SERPINI2: variants seen among roughly 807,000 people sequenced by gnomAD.
The protein encoded by SERPINI2 is serpin family I member 2, also known as serpin I2.
SERPINI2 carries 48 observed loss-of-function variants against 47.3 expected under a neutral mutation model. The observed-to-expected ratio is 1.02, with a 90% CI of 0.81 to 1.29. The LOEUF is 1.29. Ranked by LOEUF, SERPINI2 falls within the 50% of genes most tolerant of loss-of-function variation. The pLI, the probability that SERPINI2 is intolerant of heterozygous loss-of-function variation, is 0.00. For missense variants in SERPINI2, 448 were observed against 456.9 expected (o/e 0.98, Z 0.18); for synonymous variants, 135 against 149.3 (o/e 0.90, Z 0.70).
chr3:167,451,667 T>C (rs746145280), intron 6 of SERPINI2, among the ~76,000 whole-genome samples: 1 of 152,240 alleles, frequency 6.6e-6, no homozygotes, highest in Non-Finnish European at 1.5e-5. Context: ...ATTTTGGAAG[T>C]ATTTTCTTTA....
exon 2 of SERPINI2, chr3:167,471,799 C>T (rs1750333596): frequency 6.2e-7 from 1 of 1,612,368 alleles, no homozygotes; most frequent in Non-Finnish European, 8.5e-7. Flanking sequence ...TTCCAAAAAA[C>T]AGCAATAGAA....
At position 167,448,624 on chromosome 3, in the gene SERPINI2, G is replaced by C. The variant is rs144869755; in HGVS notation, c.1051+692C>G. Among the ~76,000 whole-genome samples, 5 of 152,248 alleles carry C rather than the reference G, an allele frequency of 3.3e-5. No homozygotes were observed. The East Asian group carries it at 9.7e-4, about 29-fold the overall frequency. On this transcript the variant is annotated intron_variant, in intron 7 of 8. Coordinates refer to ENST00000264677, the Ensembl canonical transcript of SERPINI2. ...TACAAGCTCTGCCTCCTGGGTTCACGCCATTCTCCTGCCTCAGCCTCCCGA... is the reference window on the plus strand; with the variant it reads ...TACAAGCTCTGCCTCCTGGGTTCACCCCATTCTCCTGCCTCAGCCTCCCGA...
At chr3:167,452,638 G>A (rs182154724) in intron 6 of SERPINI2, among the ~76,000 whole-genome samples, 234 of 152,292 alleles carry the variant, frequency 1.5e-3, no homozygotes, top group African/African-American at 5.5e-3. Flanking sequence ...TTATTCAGAT[G>A]AGGAGATCCA....
exon 8 of SERPINI2, chr3:167,446,448 T>G (rs201972300): frequency 1.9e-6 from 3 of 1,609,942 alleles, no homozygotes; most frequent in East Asian, 2.2e-5. Flanking sequence ...AAATTGGCTT[T>G]GAGCCAGACT....
At chr3:167,445,530 G>A (rs1749450420) in intron 8 of SERPINI2, among the ~76,000 whole-genome samples, 1 of 152,144 alleles carries the variant, frequency 6.6e-6, no homozygotes, top group South Asian at 2.1e-4. Flanking sequence ...GAATTCAGCT[G>A]GAAATTGAGC....
At chr3:167,443,370 G>A (rs1239645702) in intron 8 of SERPINI2, among the ~76,000 whole-genome samples, 1 of 152,104 alleles carries the variant, frequency 6.6e-6, no homozygotes. Context: ...GCCTCCCAAA[G>A]TGCTGGGATT....
intron 7 of SERPINI2, among the ~76,000 whole-genome samples, 184 bp downstream of exon 7, chr3:167,449,132 G>T (rs1224202708): frequency 6.6e-6 from 1 of 152,048 alleles, no homozygotes; most frequent in African/African-American, 2.4e-5. Flanking sequence ...CTTCCTTTTT[G>T]TATCATGCTG....
chr3:167,442,079 C>A, exon 9 of SERPINI2: 1 of 1,529,918 alleles, frequency 6.5e-7, no homozygotes, highest in East Asian at 2.3e-5. Context: ...TTTGAGAAAT[C>A]ATCTTTTATT....
chr3:167,453,014 C>T, exon 6 of SERPINI2: 1 of 1,586,060 alleles, frequency 6.3e-7, no homozygotes, highest in Non-Finnish European at 8.6e-7. Context: ...TTGAAGTCTA[C>T]TTTTTGTTCT....
chr3:167,467,533 AG>A (rs1478846800), intron 2 of SERPINI2, among the ~76,000 whole-genome samples: 2 of 152,202 alleles, frequency 1.3e-5, no homozygotes, highest in Non-Finnish European at 2.9e-5. Context: ...GTCAAAAAAA[AG>A]AATATGCATT....
At chr3:167,471,969 T>A (rs1750340253) in intron 1 of SERPINI2, 125 bp from the exon 2 acceptor site, 2 of 643,046 alleles carry the variant, frequency 3.1e-6, no homozygotes, top group African/African-American at 3.6e-5. Flanking sequence ...AAGTGAACTC[T>A]ATCCAATTAG....
intron 2 of SERPINI2, among the ~76,000 whole-genome samples, chr3:167,468,274 G>A (rs916603934): frequency 6.6e-6 from 1 of 152,030 alleles, no homozygotes; most frequent in Non-Finnish European, 1.5e-5. Flanking sequence ...TACTAAGAGG[G>A]ACTTACTACT....
intron 8 of SERPINI2, among the ~76,000 whole-genome samples, chr3:167,444,141 G>A (rs1000912836): frequency 1.8e-4 from 28 of 152,108 alleles, no homozygotes; most frequent in Admixed American, 6.6e-5. Flanking sequence ...CTTTCATTAT[G>A]TCTGGAGTCC....
At chr3:167,449,235 A>G (rs951478823) in intron 7 of SERPINI2, 81 bp downstream of exon 7, 3 of 953,346 alleles carry the variant, frequency 3.1e-6, no homozygotes, top group African/African-American at 1.6e-5. Flanking sequence ...GAAGAGTACA[A>G]TACTTCAAAA....
intron 5 of SERPINI2, among the ~76,000 whole-genome samples, chr3:167,458,615 G>T (rs962691466): frequency 6.6e-6 from 1 of 151,918 alleles, no homozygotes; most frequent in Non-Finnish European, 1.5e-5. Flanking sequence ...ATCAATAGGT[G>T]GTAACCATCT....
At position 167,465,667 on chromosome 3, in the gene SERPINI2, A is replaced by AT. The variant is rs1260224417; in HGVS notation, c.484dup (p.Ile162AsnfsTer2). The AT allele has an allele frequency of 6.2e-7, 1 of 1,606,536 alleles. No individual in the cohort carries two copies. Among genetic ancestry groups the AT allele is most frequent in the East Asian group, 2.2e-5 (1 of 44,806 alleles). ...TTCTTCCCCTGAAAACATGTCTTTA[A>AT]TTTTTCCTAGGAAGTGGGTGGAGGA... is the stretch of plus-strand genomic sequence containing the variant. On this transcript the variant is annotated frameshift_variant, in exon 4 of 9. Coordinates refer to ENST00000264677, the Ensembl canonical transcript of SERPINI2. LOFTEE classifies it high-confidence loss of function.
chr3:167,465,146 G>C lies in SERPINI2; in HGVS notation c.866+60C>G, dbSNP rs182610675. 4.6e-4 allele frequency: 639 copies of C among 1,401,952 alleles called. 1 individual carries two copies. The highest frequency in any genetic ancestry group is 6.2e-4 in the Admixed American group (28 of 45,248). 86.8% of individuals were successfully genotyped at this position (1,401,952 alleles called of 1,614,324 possible). ...AGTATTTGTTACCTTTCAGCTGACT[G>C]CTCAAATTCCTATGTGAGTGGAAAC... On this transcript the variant is annotated intron_variant, in intron 5 of 8. Transcript: ENST00000264677.
intron 5 of SERPINI2, among the ~76,000 whole-genome samples, chr3:167,453,604 G>A (rs183017038): frequency 1.3e-5 from 2 of 149,402 alleles, no homozygotes; most frequent in Non-Finnish European, 3.0e-5. Context: ...AAGGATAAAG[G>A]AAGGGGAACC....
chr3:167,442,023 T>G, exon 9 of SERPINI2: 1 of 1,011,638 alleles, frequency 9.9e-7, no homozygotes, highest in Non-Finnish European at 1.4e-6. Context: ...ACATAAGATA[T>G]AGAGCAAATA....
Sources: gnomAD v4.1 joint callset for allele counts (sites outside exome capture counted in the v4.1 genomes callset) on GRCh38, gnomAD v4.1.1 for gene constraint, MANE v1.5 for transcripts, NCBI Gene and HGNC (gene_info 2026-07-23, HGNC 2026-07-21) for gene names.